The following WASHC4 variants were observed in gnomAD, a reference collection of about 807,000 sequenced individuals.
WASHC4 encodes the protein WASH complex subunit 4, also known as WASH complex subunit 7.
WASHC4 carries 86 observed loss-of-function variants against 166.6 expected under a neutral mutation model. The ratio of observed to expected loss-of-function variants is 0.52; its 90% confidence interval spans 0.43 to 0.62. The LOEUF (loss-of-function observed/expected upper bound fraction) is 0.62. Among genes scored for constraint, WASHC4 ranks in the 20% least tolerant of loss-of-function variants. The pLI is 0.00. For synonymous variants in WASHC4, 446 were observed against 451.6 expected, an observed-to-expected ratio of 0.99 and a Z score of 0.16; for missense variants, 1,262 against 1,382.4, an observed-to-expected ratio of 0.91 and a Z score of 1.38.
chr12:105,157,229 T>TA lies in WASHC4; in HGVS notation c.2826-6dup, dbSNP rs1182498619. On this transcript the variant is annotated splice_region_variant and splice_polypyrimidine_tract_variant and intron_variant, in intron 27 of 32. Coordinates refer to ENST00000332180, the MANE Select transcript of WASHC4 (RefSeq NM_015275.3). ...CCTAATAAATGCCTTCCCAAATTCT[T>TA]ATGTAGATTTGTTCCTGATCTTGAA... The TA allele has an allele frequency of 3.6e-6, 5 of 1,405,700 alleles. No individual in the cohort carries two copies. The highest frequency in any genetic ancestry group is 3.5e-4 in the Middle Eastern group (2 of 5,686). 87.1% of individuals were successfully genotyped at this position (1,405,700 alleles called of 1,614,324 possible). A position where few individuals can be genotyped will look rare whatever the true frequency, so the allele number is the denominator to read the frequency against.
intron 28 of WASHC4, among the ~76,000 whole-genome samples, 198 bp downstream of exon 28, chr12:105,157,520 C>T (rs1245410804): frequency 6.6e-6 from 1 of 152,156 alleles, no homozygotes; most frequent in African/African-American, 2.4e-5. Flanking sequence ...GTATTTCAGC[C>T]ACTAGCCACA....
rs1448741488 is a variant in WASHC4 at position 105,144,428 on chromosome 12, T to C, written c.2152T>C (p.Phe718Leu). 5 of 1,613,350 alleles carry C rather than the reference T, an allele frequency of 3.1e-6. 1 individual carries two copies. In the South Asian group the frequency reaches 3.3e-5, roughly 11 times the overall value. ...TTTTTTCTCTCTGAATCCAATTCGG[T>C]TTTTCAATCGTTTCATTGACATTCG... ...ALFFSLNPIRFFNRFIDIRAY... is the reference protein window; with the variant it reads ...ALFFSLNPIRLFNRFIDIRAY... Residue 718 changes from phenylalanine to leucine, a missense_variant, in exon 21 of 33, where the codon TTT becomes CTT. Physicochemically the swap from Phe to Leu is conservative, Grantham distance 22 (BLOSUM62 0). Transcript: ENST00000332180.
At chr12:105,123,273 C>A (rs1282224891) in intron 10 of WASHC4, among the ~76,000 whole-genome samples, 2 of 152,146 alleles carry the variant, frequency 1.3e-5, no homozygotes, top group African/African-American at 4.8e-5. Flanking sequence ...AGGATCACGC[C>A]ATTGCACTCC....
At position 105,166,894 on chromosome 12, in the gene WASHC4, C is replaced by G. The variant is rs754245169; in HGVS notation, c.3485C>G (p.Ser1162Cys). 6.2e-7 allele frequency: 1 copy of G among 1,606,968 alleles called. No homozygotes were observed. Among genetic ancestry groups the G allele is most frequent in the Non-Finnish European group, 8.5e-7 (1 of 1,176,788 alleles). The change falls in exon 33 of 33, where the codon TCT (serine) becomes TGT (cysteine). Residue 1162 changes from serine (S) to cysteine (C), a missense_variant. Ser to Cys is a moderately radical substitution (Grantham distance 112). Coordinates refer to ENST00000332180, the MANE Select transcript of WASHC4 (RefSeq NM_015275.3). The stretch of plus-strand genomic sequence containing the variant: ...ACTAAAACAAGCAATGGAGACCTGT[C>G]TGACAGCACTGTGTCTGCTGATCCT... Reference protein sequence around the residue: ...EETKTSNGDLSDSTVSADPVV... With the variant: ...EETKTSNGDLCDSTVSADPVV...
At chr12:105,113,368 T>TA (rs1879873799) in intron 2 of WASHC4, among the ~76,000 whole-genome samples, 1 of 152,018 alleles carries the variant, frequency 6.6e-6, no homozygotes, top group African/African-American at 2.4e-5. Flanking sequence ...TCAGATTTTA[T>TA]AAAAGGGTGA....
intron 13 of WASHC4, among the ~76,000 whole-genome samples, chr12:105,128,004 T>G (rs1881447938): frequency 6.6e-6 from 1 of 152,208 alleles, no homozygotes; most frequent in South Asian, 2.1e-4. Flanking sequence ...AAAATCACGT[T>G]AACTTGGATA....
intron 2 of WASHC4, among the ~76,000 whole-genome samples, chr12:105,111,832 C>A (rs908342938): frequency 3.2e-4 from 48 of 152,240 alleles, no homozygotes; most frequent in Middle Eastern, 6.8e-3. Flanking sequence ...TTATTGAGCA[C>A]TTGTGTATTA....
chr12:105,150,613 A>C (rs568682424), intron 25 of WASHC4, among the ~76,000 whole-genome samples: 10 of 152,344 alleles, frequency 6.6e-5, no homozygotes, highest in African/African-American at 2.4e-4. Flanking sequence ...GCGAAACCTC[A>C]TCTCTACTAA....
intron 23 of WASHC4, among the ~76,000 whole-genome samples, chr12:105,146,811 C>T (rs1437539235): frequency 6.6e-6 from 1 of 151,980 alleles, no homozygotes; most frequent in Non-Finnish European, 1.5e-5. Context: ...ATCTGAAATG[C>T]TCCAGAATCG....
chr12:105,149,371 C>G, intron 24 of WASHC4: 4 of 1,057,870 alleles, frequency 3.8e-6, no homozygotes, highest in Non-Finnish European at 4.6e-6. Context: ...ATATTTTCCA[C>G]TTTTTTCTTT....
chr12:105,155,053 TC>T (rs969077943), intron 26 of WASHC4: 15 of 152,086 alleles, frequency 9.9e-5, no homozygotes, highest in Admixed American at 5.2e-4. Context: ...TTCCGTCTGT[TC>T]TTTCAAGTAA....
intron 13 of WASHC4, among the ~76,000 whole-genome samples, chr12:105,130,125 G>A (rs1289261274): frequency 6.6e-6 from 1 of 152,160 alleles, no homozygotes; most frequent in African/African-American, 2.4e-5. Flanking sequence ...GGCAGATGCA[G>A]GCAGTTCAAC....
At chr12:105,165,849 ACACT>A (rs1163151167) in intron 32 of WASHC4, among the ~76,000 whole-genome samples, 1 of 152,234 alleles carries the variant, frequency 6.6e-6, no homozygotes, top group Non-Finnish European at 1.5e-5. Flanking sequence ...AATCTGGAAG[ACACT>A]CAATATTAAA....
intron 26 of WASHC4, among the ~76,000 whole-genome samples, chr12:105,152,654 C>T (rs1193325645): frequency 6.6e-6 from 1 of 152,036 alleles, no homozygotes; most frequent in Non-Finnish European, 1.5e-5. Flanking sequence ...AGGCTAATCA[C>T]GTAAATAAAA....
chr12:105,128,633 G>C (rs1881504020), intron 13 of WASHC4, among the ~76,000 whole-genome samples: 1 of 152,158 alleles, frequency 6.6e-6, no homozygotes, highest in Non-Finnish European at 1.5e-5. Flanking sequence ...TTGGATTTCA[G>C]ATTAGGGATG....
chr12:105,166,400 TAAG>T (rs1433119714), intron 32 of WASHC4, among the ~76,000 whole-genome samples: 4 of 152,160 alleles, frequency 2.6e-5, no homozygotes, highest in African/African-American at 7.2e-5. Context: ...TTTATTATAA[TAAG>T]TTATAAATAC....
Position 105,127,237 on chromosome 12 carries a change from A to G in WASHC4, c.1147A>G (p.Ile383Val), listed in dbSNP as rs1881373492. 3.7e-6 allele frequency: 6 copies of G among 1,612,824 alleles called. No individual in the cohort carries two copies. The highest frequency in any genetic ancestry group is 5.1e-6 in the Non-Finnish European group (6 of 1,178,876). ...GCTAGACAGAAAAAGTCTTCAAGCC[A>G]TTAAAATACACAGGGATACTTTTCT... The part of the protein sequence containing the change: ...KLLDRKSLQA[I>V]KIHRDTFLQQ... The change falls in exon 13 of 33, where the codon ATT becomes GTT. Residue 383 changes from isoleucine to valine, a missense_variant. Transcript: ENST00000332180.
At chr12:105,144,231 C>A in intron 20 of WASHC4, 56 bp from the exon 21 acceptor site, 2 of 1,421,182 alleles carry the variant, frequency 1.4e-6, no homozygotes, top group Non-Finnish European at 2.0e-6. Context: ...TGTAGGGAAA[C>A]AATACAATTG....
chr12:105,144,273 T>A lies in WASHC4; in HGVS notation c.2011-14T>A, dbSNP rs1883108576. The A allele has an allele frequency of 6.2e-6, 10 of 1,606,436 alleles. No homozygotes were observed. Among genetic ancestry groups the A allele is most frequent in the Non-Finnish European group, 8.5e-6 (10 of 1,174,108 alleles). Reference sequence around the variant, plus strand: ...CATTTTGAAAAATTAAAGTATCAAATCTTTTGTGAATAGCATTTGCTGGAC... The same window carrying A: ...CATTTTGAAAAATTAAAGTATCAAAACTTTTGTGAATAGCATTTGCTGGAC... On this transcript the variant is annotated splice_polypyrimidine_tract_variant and intron_variant, in intron 20 of 32. Transcript: ENST00000332180.
Sources: gnomAD v4.1 joint callset for allele counts (sites outside exome capture counted in the v4.1 genomes callset) on GRCh38, gnomAD v4.1.1 for gene constraint, MANE v1.5 for transcripts, NCBI Gene and HGNC (gene_info 2026-07-23, HGNC 2026-07-21) for gene names.